The following CFAP299 variants were observed in gnomAD, a reference collection of about 807,000 sequenced individuals.
CFAP299 encodes the protein cilia- and flagella-associated protein 299.
Under a neutral mutation model 27.0 loss-of-function variants are expected in CFAP299, and 21 were observed. The ratio of observed to expected loss-of-function variants is 0.78; its 90% CI spans 0.55 to 1.12. CFAP299 has a LOEUF of 1.12. Among genes scored for constraint, CFAP299 ranks in the 50% most tolerant of loss-of-function variants. The pLI is 0.00. For synonymous variants in CFAP299, 104 were observed against 98.1 expected, an observed-to-expected ratio of 1.06 and a Z score of -0.36; for missense variants, 310 against 276.6, an observed-to-expected ratio of 1.12 and a Z score of -0.86.
chr4:80,749,525 G>T (rs1426233617), intron 3 of CFAP299, among the ~76,000 whole-genome samples: 7 of 152,232 alleles, frequency 4.6e-5, no homozygotes, highest in Non-Finnish European at 8.8e-5. Context: ...TGAGGAGCAA[G>T]GAAGCCAGTA....
chr4:80,640,094 AT>A (rs1373938835), intron 3 of CFAP299, among the ~76,000 whole-genome samples: 1 of 152,252 alleles, frequency 6.6e-6, no homozygotes, highest in Non-Finnish European at 1.5e-5. Context: ...ACTCTTAAAA[AT>A]GGTTCAAATG....
intron 2 of CFAP299, among the ~76,000 whole-genome samples, chr4:80,438,425 A>G (rs914050742): frequency 1.3e-5 from 2 of 152,218 alleles, no homozygotes; most frequent in African/African-American, 4.8e-5. Context: ...CAACTCTTAC[A>G]ATATAAATTT....
intron 4 of CFAP299, among the ~76,000 whole-genome samples, chr4:80,913,615 G>A (rs1047435152): frequency 6.6e-6 from 1 of 152,154 alleles, no homozygotes; most frequent in African/African-American, 2.4e-5. Context: ...TTTTGGCAGA[G>A]ACTGAGTGGT....
At chr4:80,511,882 T>C (rs1732321792) in intron 2 of CFAP299, among the ~76,000 whole-genome samples, 2 of 152,262 alleles carry the variant, frequency 1.3e-5, no homozygotes, top group Middle Eastern at 3.4e-3. Flanking sequence ...CTTAGGATCA[T>C]TGCAGAAATT....
chr4:80,526,821 C>T (rs538791573), intron 2 of CFAP299, among the ~76,000 whole-genome samples: 36 of 152,218 alleles, frequency 2.4e-4, no homozygotes, highest in Middle Eastern at 3.4e-3. Context: ...CCTGTTCTAA[C>T]GTTATACACA....
chr4:80,869,513 T>G lies in CFAP299; in HGVS notation c.334-480T>G, dbSNP rs1732948283. On this transcript the variant is annotated intron_variant, in intron 3 of 5. Coordinates refer to ENST00000358105, the MANE Select transcript of CFAP299 (RefSeq NM_152770.3). ...AACTGGAATATTGCAATATTGTTAG[T>G]ACTTTTCTTTTTTCTTTGGAGACGG... Among the ~76,000 whole-genome samples the G allele has an allele frequency of 3.3e-5, 5 of 152,284 alleles. No homozygotes were observed. In the South Asian group the frequency reaches 1.0e-3, roughly 32 times the overall value.
In CFAP299 at chr4:80,647,095, C is replaced by T. The variant is rs183656829; in HGVS notation, c.333+63912C>T. Among the ~76,000 whole-genome samples, 762 of 151,840 alleles carry T rather than the reference C, an allele frequency of 5.0e-3. 1 individual carries two copies. The highest frequency in any genetic ancestry group is 0.01 in the Middle Eastern group (3 of 294). On this transcript the variant is annotated intron_variant, in intron 3 of 5. Coordinates refer to ENST00000358105, the MANE Select transcript of CFAP299 (RefSeq NM_152770.3). ...AGATAAGATTTAGATATAGATAAAC[C>T]TCAAGTATTTTTACTGGTAGCAGTA...
intron 3 of CFAP299, among the ~76,000 whole-genome samples, chr4:80,640,806 C>T (rs927056025): frequency 6.6e-6 from 1 of 152,118 alleles, no homozygotes; most frequent in South Asian, 2.1e-4. Flanking sequence ...GATTAATTAG[C>T]GTTCCCCTGG....
At chr4:80,439,533 C>T (rs1728251132) in intron 2 of CFAP299, among the ~76,000 whole-genome samples, 1 of 152,172 alleles carries the variant, frequency 6.6e-6, no homozygotes. Flanking sequence ...ATGCTTTTCC[C>T]CAGTTTTCCC....
intron 3 of CFAP299, among the ~76,000 whole-genome samples, chr4:80,751,897 T>C (rs993522916): frequency 1.3e-5 from 2 of 152,140 alleles, no homozygotes; most frequent in Admixed American, 1.3e-4. Flanking sequence ...CAACCCCTTT[T>C]CTAGGGATAT....
At chr4:80,698,537 G>A (rs1395834325) in intron 3 of CFAP299, among the ~76,000 whole-genome samples, 1 of 152,172 alleles carries the variant, frequency 6.6e-6, no homozygotes, top group African/African-American at 2.4e-5. Context: ...GACTGTTTTA[G>A]GTTGATGATT....
At chr4:80,939,203 GT>G (rs1476085642) in intron 4 of CFAP299, among the ~76,000 whole-genome samples, 1 of 152,096 alleles carries the variant, frequency 6.6e-6, no homozygotes, top group Non-Finnish European at 1.5e-5. Context: ...GGATTTGGAT[GT>G]TCATTTTTTC....
chr4:80,672,944 CAA>C (rs56871831), intron 3 of CFAP299, among the ~76,000 whole-genome samples: 209 of 144,476 alleles, frequency 1.4e-3, no homozygotes, highest in African/African-American at 4.7e-3. Flanking sequence ...TTGATCTTTT[CAA>C]AAAAAAAAAA....
chr4:80,556,237 T>C (rs375643043), intron 2 of CFAP299, among the ~76,000 whole-genome samples: 8 of 151,940 alleles, frequency 5.3e-5, no homozygotes, highest in East Asian at 1.9e-4. Flanking sequence ...TATTTAAGAG[T>C]CCTTTTCGTG....
chr4:80,442,230 A>T (rs1237003295), intron 2 of CFAP299, among the ~76,000 whole-genome samples: 1 of 152,162 alleles, frequency 6.6e-6, no homozygotes, highest in African/African-American at 2.4e-5. Flanking sequence ...CTACAAAATT[A>T]TCCACCCCAA....
At chr4:80,535,621 T>TA (rs1049118657) in intron 2 of CFAP299, among the ~76,000 whole-genome samples, 1 of 151,412 alleles carries the variant, frequency 6.6e-6, no homozygotes, top group African/African-American at 2.4e-5. Context: ...ACATTAACAT[T>TA]AAAAGAGAAC....
chr4:80,403,915 A>G (rs1283467409), intron 2 of CFAP299, among the ~76,000 whole-genome samples: 2 of 152,132 alleles, frequency 1.3e-5, no homozygotes, highest in Non-Finnish European at 2.9e-5. Context: ...GCCAGTTTTT[A>G]TATGTATTAT....
At chr4:80,397,008 C>G (rs933843787) in intron 2 of CFAP299, among the ~76,000 whole-genome samples, 5 of 152,056 alleles carry the variant, frequency 3.3e-5, no homozygotes, top group African/African-American at 1.2e-4. Context: ...TCCATCTGGT[C>G]CTGGACTTTT....
At chr4:80,416,966 G>A (rs750052964) in intron 2 of CFAP299, among the ~76,000 whole-genome samples, 2 of 152,204 alleles carry the variant, frequency 1.3e-5, no homozygotes, top group Non-Finnish European at 2.9e-5. Context: ...TATTAAGAAA[G>A]TAAAGGAACA....
Sources: gnomAD v4.1 joint callset for allele counts (sites outside exome capture counted in the v4.1 genomes callset) on GRCh38, gnomAD v4.1.1 for gene constraint, MANE v1.5 for transcripts, NCBI Gene and HGNC (gene_info 2026-07-23, HGNC 2026-07-21) for gene names.